Variants in ARHGEF33 observed in about 807,000 individuals in gnomAD.
The protein encoded by ARHGEF33 is DH and coiled-coil domain-containing protein ENSP00000381780.
ARHGEF33 carries 72 observed loss-of-function variants against 101.9 expected under a neutral mutation model. The observed-to-expected ratio is 0.71, with a 90% CI of 0.58 to 0.86. The LOEUF (loss-of-function observed/expected upper bound fraction) is 0.86. ARHGEF33 is among the 40% of genes least tolerant of loss of function. The pLI is 0.00. For synonymous variants in ARHGEF33, 499 were observed against 442.5 expected (o/e 1.13, Z -1.60); for missense variants, 1,169 against 1,111.3 (o/e 1.05, Z -0.74).
chr2:38,943,102 A>G (rs1409197276), intron 9 of ARHGEF33, among the ~76,000 whole-genome samples: 1 of 151,946 alleles, frequency 6.6e-6, no homozygotes. Flanking sequence ...TAATTTTTGT[A>G]TTTTTAGTAA....
intron 1 of ARHGEF33, among the ~76,000 whole-genome samples, chr2:38,891,013 C>T (rs1242740771): frequency 6.9e-6 from 1 of 145,402 alleles, no homozygotes; most frequent in Non-Finnish European, 1.5e-5. Context: ...GACAAGGTCT[C>T]ACTTTGTCAC....
chr2:38,973,924 ATC>A lies in ARHGEF33; in HGVS notation c.*83_*84del, dbSNP rs1668219571. The stretch of plus-strand genomic sequence containing the variant: ...TATCTGTGTAGGAATATATATATAT[ATC>A]TATATCTATATATATATATATATCG... On this transcript the variant is annotated 3_prime_UTR_variant, in exon 18 of 18. Transcript: ENST00000409978. The A allele has an allele frequency of 9.8e-6, 8 of 820,076 alleles. No individual in the cohort carries two copies. Among genetic ancestry groups the A allele is most frequent in the East Asian group, 1.0e-4 (2 of 19,488 alleles). The allele number at this position is 820,076 out of a possible 1,614,324, so 50.8% of individuals were successfully genotyped here. A position where few individuals can be genotyped will look rare whatever the true frequency, so the allele number is the denominator to read the frequency against.
chr2:38,962,054 A>T (rs906861117), intron 16 of ARHGEF33, among the ~76,000 whole-genome samples: 1 of 152,210 alleles, frequency 6.6e-6, no homozygotes, highest in African/African-American at 2.4e-5. Context: ...TGGTCCCTGC[A>T]GAGGACAAAA....
chr2:38,937,318 T>TGGGGGGGGGGGGGG lies in ARHGEF33; in HGVS notation c.566-17_566-16insGGGGGGGGGGGGGG. Reference sequence around the variant, plus strand: ...GCAGTTTTCTTTGTTTCCCCGCCCCTCCCCCCACCCCACCAGGAGTGAACC... The same window carrying TGGGGGGGGGGGGGG: ...GCAGTTTTCTTTGTTTCCCCGCCCCTGGGGGGGGGGGGGGCCCCCCACCCCACCAGGAGTGAACC... On this transcript the variant is annotated splice_polypyrimidine_tract_variant and intron_variant, in intron 8 of 17. Transcript: ENST00000409978. The TGGGGGGGGGGGGGG allele has an allele frequency of 3.9e-6, 1 of 255,340 alleles. No individual in the cohort carries two copies. The highest frequency in any genetic ancestry group is 7.4e-6 in the Non-Finnish European group (1 of 134,550). The allele number at this position is 255,340 out of a possible 1,614,324, so 15.8% of individuals were successfully genotyped here.
chr2:38,951,329 T>C (rs1667599003), intron 11 of ARHGEF33, among the ~76,000 whole-genome samples: 1 of 152,196 alleles, frequency 6.6e-6, no homozygotes, highest in Non-Finnish European at 1.5e-5. Flanking sequence ...AGCTAGGTAG[T>C]TGGAGATGTG....
chr2:38,943,577 A>T (rs180872052), intron 9 of ARHGEF33, among the ~76,000 whole-genome samples: 29 of 152,236 alleles, frequency 1.9e-4, no homozygotes, highest in Non-Finnish European at 3.7e-4. Flanking sequence ...ATTGCCCCAT[A>T]TGTATACTTT....
intron 11 of ARHGEF33, among the ~76,000 whole-genome samples, chr2:38,951,812 A>AT (rs1667614374): frequency 6.6e-6 from 1 of 152,008 alleles, no homozygotes; most frequent in East Asian, 1.9e-4. Flanking sequence ...TTCCTTGGAG[A>AT]TTTTTTAAAA....
At chr2:38,904,417 A>G (rs1666340726) in intron 2 of ARHGEF33, among the ~76,000 whole-genome samples, 1 of 85,038 alleles carries the variant, frequency 1.2e-5, no homozygotes, top group Non-Finnish European at 2.9e-5. Flanking sequence ...ATGAAGATGA[A>G]AAAACAGGCC....
At chr2:38,925,767 A>G (rs1666856266) in intron 4 of ARHGEF33, among the ~76,000 whole-genome samples, 1 of 152,212 alleles carries the variant, frequency 6.6e-6, no homozygotes, top group Non-Finnish European at 1.5e-5. Flanking sequence ...ATAGAATCAT[A>G]GGAATTGGGA....
Position 38,937,494 on chromosome 2 carries a change from T to G in ARHGEF33, c.725T>G (p.Leu242Arg), listed in dbSNP as rs1464291789. The change falls in exon 9 of 18, where the codon CTC becomes CGC. Residue 242 changes from leucine to arginine, a missense_variant. Leu to Arg is a moderately radical substitution (Grantham distance 102). Transcript: ENST00000409978. ...GTCACAAAAGACCACCCAGATAAAC[T>G]CAAGGAGGCTGGCCAGGGTAGACAC... ...EYVTKDHPDKLKEAGQGRHSS... is the reference protein window; with the variant it reads ...EYVTKDHPDKRKEAGQGRHSS... 4 of 1,550,724 alleles carry G rather than the reference T, an allele frequency of 2.6e-6. No individual in the cohort carries two copies. Among genetic ancestry groups the G allele is most frequent in the Non-Finnish European group, 3.5e-6 (4 of 1,146,668 alleles).
chr2:38,890,734 T>C (rs1053919206), intron 1 of ARHGEF33, among the ~76,000 whole-genome samples: 3 of 152,160 alleles, frequency 2.0e-5, no homozygotes, highest in African/African-American at 7.2e-5. Flanking sequence ...TAATACAAAA[T>C]CATATTGCTG....
intron 2 of ARHGEF33, among the ~76,000 whole-genome samples, chr2:38,898,176 T>C (rs1278661925): frequency 6.6e-6 from 1 of 152,210 alleles, no homozygotes; most frequent in Non-Finnish European, 1.5e-5. Flanking sequence ...ATTCTGATTT[T>C]GGAGGGGATC....
At chr2:38,922,407 T>C (rs1055652071) in intron 4 of ARHGEF33, among the ~76,000 whole-genome samples, 34 of 152,278 alleles carry the variant, frequency 2.2e-4, no homozygotes, top group African/African-American at 8.2e-4. Context: ...TTATTTAGAT[T>C]TGTCGAGTTT....
intron 2 of ARHGEF33, among the ~76,000 whole-genome samples, chr2:38,907,619 T>A (rs1171104625): frequency 6.6e-6 from 1 of 152,188 alleles, no homozygotes; most frequent in Non-Finnish European, 1.5e-5. Flanking sequence ...AGTTTTTCCA[T>A]GTTAATGTAC....
In ARHGEF33 at chr2:38,937,221, C is replaced by T. The variant is rs985400320; in HGVS notation, c.566-114C>T. The T allele has an allele frequency of 2.1e-5, 13 of 624,272 alleles. No individual in the cohort carries two copies. The East Asian group carries it at 3.3e-4, about 16-fold the overall frequency. 38.7% of individuals were successfully genotyped at this position (624,272 alleles called of 1,614,324 possible). A position where few individuals can be genotyped will look rare whatever the true frequency, so the allele number is the denominator to read the frequency against. ...ATGTTAGCCAGGATGGTCTCAATCT[C>T]CTGACTTCGTGATCCGCCTGCCTCG... On this transcript the variant is annotated intron_variant, in intron 8 of 17. Coordinates refer to ENST00000409978, the MANE Select transcript of ARHGEF33 (RefSeq NM_001145451.5).
chr2:38,956,947 C>T lies in ARHGEF33; in HGVS notation c.1270C>T (p.Leu424=), dbSNP rs766391444. The stretch of plus-strand genomic sequence containing the variant: ...GGAGCACCCTGACTATTATCTACTA[C>T]TGGTGTGTGTCCAGCGCCTCCGAGT... ...EQEHPDYYLL[L]VCVQRLRVFI... is the part of the protein sequence containing the mutation. The change falls in exon 14 of 18, where the codon CTG becomes TTG. Residue 424 remains leucine (L), a synonymous_variant. Coordinates refer to ENST00000409978, the MANE Select transcript of ARHGEF33 (RefSeq NM_001145451.5). The T allele has an allele frequency of 5.2e-6, 8 of 1,552,384 alleles. No individual in the cohort carries two copies. The East Asian group carries it at 7.3e-5, about 14-fold the overall frequency.
intron 2 of ARHGEF33, among the ~76,000 whole-genome samples, chr2:38,899,310 T>A (rs1666191168): frequency 1.3e-5 from 2 of 152,110 alleles, no homozygotes; most frequent in African/African-American, 4.8e-5. Context: ...GAAAATTAAG[T>A]AAAATTGCTA....
chr2:38,959,889 G>A lies in ARHGEF33; in HGVS notation c.1584G>A (p.Met528Ile). The A allele has an allele frequency of 1.3e-6, 2 of 1,551,892 alleles. No homozygotes were observed. The highest frequency in any genetic ancestry group is 1.7e-6 in the Non-Finnish European group (2 of 1,146,900). The change falls in exon 16 of 18, where the codon ATG becomes ATA. Residue 528 changes from methionine to isoleucine, a missense_variant. Transcript: ENST00000409978. ...AAAGCCAACAGCAGCAAAGCCTGAT[G>A]GAGAGCATGCAGCCCGGGAAGCCCA... ...VKKSQQQQSL[M>I]ESMQPGKPSD...
chr2:38,893,683 A>G (rs947359090), intron 1 of ARHGEF33, among the ~76,000 whole-genome samples: 1 of 152,200 alleles, frequency 6.6e-6, no homozygotes, highest in African/African-American at 2.4e-5. Flanking sequence ...AAACAATGGC[A>G]TCCTTTCATT....
Sources: allele counts gnomAD v4.1 joint callset (sites outside exome capture counted in the v4.1 genomes callset), GRCh38; gene constraint gnomAD v4.1.1; transcripts MANE v1.5; gene names NCBI Gene and HGNC (gene_info 2026-07-23, HGNC 2026-07-21).